FOXJ2: variants seen among roughly 807,000 people sequenced by gnomAD.
FOXJ2 encodes the protein forkhead box J2.
A neutral mutation model predicts 68.4 loss-of-function variants in FOXJ2; 18 were observed. The observed-to-expected ratio is 0.26, with a 90% CI of 0.18 to 0.39. FOXJ2 has a LOEUF of 0.39. Among genes scored for constraint, FOXJ2 ranks in the 10% least tolerant of loss-of-function variants. The probability of loss-of-function intolerance (pLI) is 1.00; values close to 1 mark genes in which losing one functional copy is unlikely to be tolerated. For synonymous variants in FOXJ2, 274 were observed against 263.2 expected, an observed-to-expected ratio of 1.04 and a Z score of -0.40; for missense variants, 670 against 726.5, an observed-to-expected ratio of 0.92 and a Z score of 0.89.
intron 10 of FOXJ2, 36 bp downstream of exon 10, chr12:8,050,656 C>T: frequency 6.2e-7 from 1 of 1,610,162 alleles, no homozygotes; most frequent in South Asian, 1.1e-5. Flanking sequence ...AACCGTTGTA[C>T]TCTGATGAGT....
chr12:8,045,218 ATTTTTT>A (rs3074123), intron 6 of FOXJ2, among the ~76,000 whole-genome samples: 1 of 123,262 alleles, frequency 8.1e-6, no homozygotes, highest in Non-Finnish European at 1.6e-5. Context: ...TAATTTTTGT[ATTTTTT>A]TTTTTTTTTT....
Position 8,038,760 on chromosome 12 carries a change from G to A in FOXJ2, c.-14-1059G>A, listed in dbSNP as rs1463538608. ...CTGGCAAGAGTGCCCAGGCAGTGTGGGTGGCAGCAGGGCGTGCAAGCATCA... is the reference window on the plus strand; with the variant it reads ...CTGGCAAGAGTGCCCAGGCAGTGTGAGTGGCAGCAGGGCGTGCAAGCATCA... On this transcript the variant is annotated intron_variant, in intron 1 of 10. Coordinates refer to ENST00000162391, the MANE Select transcript of FOXJ2 (RefSeq NM_018416.3). This position sits in a 1 kb window ranked among gnomAD's most constrained non-coding sequence, Gnocchi z 5.3. 5.3e-5 allele frequency among the ~76,000 whole-genome samples: 8 copies of A among 152,224 alleles called. No individual in the cohort carries two copies. The highest frequency in any genetic ancestry group is 4.6e-4 in the Admixed American group (7 of 15,282).
intron 9 of FOXJ2, 92 bp downstream of exon 9, chr12:8,049,663 T>C: frequency 8.0e-7 from 1 of 1,250,728 alleles, no homozygotes; most frequent in Non-Finnish European, 1.1e-6. Flanking sequence ...GAAAGGATTT[T>C]ATGGGGCAGT....
chr12:8,044,841 A>G lies in FOXJ2; in HGVS notation c.700A>G (p.Asn234Asp), dbSNP rs1392050741. 2 of 1,613,966 alleles carry G rather than the reference A, an allele frequency of 1.2e-6. No individual in the cohort carries two copies. Among genetic ancestry groups the G allele is most frequent in the South Asian group, 2.2e-5 (2 of 91,072 alleles). ...TGCTGAGGGTCCCCCTCCCCTCTAT[A>G]ACACCAACCATGACTTTAAATTCTC... Reference protein sequence around the residue: ...ESAEGPPPLYNTNHDFKFSYS... With the variant: ...ESAEGPPPLYDTNHDFKFSYS... Residue 234 changes from asparagine (N) to aspartate (D), a missense_variant, in exon 6 of 11, where the codon AAC becomes GAC. This residue lies in a region of FOXJ2 where 555 missense variants were observed against 562.2 expected (regional missense o/e 0.99). Coordinates refer to ENST00000162391, the MANE Select transcript of FOXJ2 (RefSeq NM_018416.3).
chr12:8,045,062 G>A, intron 6 of FOXJ2, 104 bp downstream of exon 6: 1 of 1,195,236 alleles, frequency 8.4e-7, no homozygotes, highest in Non-Finnish European at 1.2e-6. Flanking sequence ...TATTTTTTGT[G>A]AGACAGGGTC....
Position 8,048,234 on chromosome 12 carries a change from ACCACCT to A in FOXJ2, c.1175_1180del (p.Pro392_Pro393del). 6.2e-7 allele frequency: 1 copy of A among 1,603,074 alleles called. No individual in the cohort carries two copies. On this transcript the variant is annotated inframe_deletion, in exon 7 of 11. Coordinates refer to ENST00000162391, the MANE Select transcript of FOXJ2 (RefSeq NM_018416.3). ...CCCACTCCCACCCTGCCCAGCAGCC[ACCACCT>A]CCACAGCCACAGGCACAAGGCCAGG... is the stretch of plus-strand genomic sequence containing the variant.
intron 10 of FOXJ2, among the ~76,000 whole-genome samples, chr12:8,051,286 T>C (rs1395310703): frequency 1.3e-5 from 2 of 151,774 alleles, no homozygotes; most frequent in East Asian, 2.0e-4. Context: ...CACACCACCA[T>C]GCCTGGCTAA....
intron 8 of FOXJ2, 38 bp from the exon 9 acceptor site, chr12:8,049,324 C>A: frequency 1.3e-6 from 2 of 1,562,164 alleles, no homozygotes; most frequent in South Asian, 1.2e-5. Flanking sequence ...GGCTTCCTAC[C>A]TCTGCAAGGT....
intron 2 of FOXJ2, among the ~76,000 whole-genome samples, chr12:8,041,424 T>G (rs1280770167): frequency 1.3e-5 from 2 of 151,626 alleles, no homozygotes; most frequent in African/African-American, 4.8e-5. Flanking sequence ...GGGCTGGTCT[T>G]GAACTCCTGA....
intron 6 of FOXJ2, among the ~76,000 whole-genome samples, chr12:8,047,648 T>A (rs939890620): frequency 6.6e-6 from 1 of 152,104 alleles, no homozygotes; most frequent in African/African-American, 2.4e-5. Flanking sequence ...CACACTGACC[T>A]TTTTAGTAAG....
chr12:8,049,290 T>G, intron 8 of FOXJ2, 72 bp from the exon 9 acceptor site: 1 of 1,223,090 alleles, frequency 8.2e-7, no homozygotes, highest in Admixed American at 2.0e-5. Flanking sequence ...TTTGGAACAG[T>G]GAGATAGGGC....
intron 1 of FOXJ2, among the ~76,000 whole-genome samples, chr12:8,037,412 CAG>C (rs1210840461): frequency 1.3e-5 from 2 of 152,140 alleles, no homozygotes; most frequent in African/African-American, 4.8e-5. Context: ...AATTTAACCT[CAG>C]TGTCCTAACC....
At position 8,035,557 on chromosome 12, in the gene FOXJ2, G is replaced by T. The variant is rs1229769041; in HGVS notation, c.-15+1724G>T. On this transcript the variant is annotated intron_variant, in intron 1 of 10. Transcript: ENST00000162391. This position sits in a 1 kb window ranked among gnomAD's most constrained non-coding sequence, Gnocchi z 4.0. ...ACCTTTTACAAAAGAGGCCTCGCTG[G>T]TTAACAGCAGCCTGTTTCTTATAAA... 1.3e-5 allele frequency among the ~76,000 whole-genome samples: 2 copies of T among 152,200 alleles called. No homozygotes were observed. The highest frequency in any genetic ancestry group is 4.8e-5 in the African/African-American group (2 of 41,436).
At position 8,040,443 on chromosome 12, in the gene FOXJ2, A is replaced by G. The variant is rs949585131; in HGVS notation, c.333+278A>G. Reference sequence around the variant, plus strand: ...TCTTATCTTCTTTTTTTTTTTTGAGACAGAGTCTCGTACTGTCGCCTGGGC... The same window carrying G: ...TCTTATCTTCTTTTTTTTTTTTGAGGCAGAGTCTCGTACTGTCGCCTGGGC... On this transcript the variant is annotated intron_variant, in intron 2 of 10. Transcript: ENST00000162391. This position sits in a 1 kb window ranked among gnomAD's most constrained non-coding sequence, Gnocchi z 4.0. Among the ~76,000 whole-genome samples the G allele has an allele frequency of 1.5e-4, 22 of 150,384 alleles. 1 individual carries two copies. Among genetic ancestry groups the G allele is most frequent in the Middle Eastern group, 3.4e-3 (1 of 292 alleles).
chr12:8,046,903 A>C (rs923430759), intron 6 of FOXJ2, among the ~76,000 whole-genome samples: 2 of 152,194 alleles, frequency 1.3e-5, no homozygotes, highest in Non-Finnish European at 2.9e-5. Flanking sequence ...TTGCTCAAAA[A>C]ATGAATCCGA....
Position 8,038,453 on chromosome 12 carries a change from A to G in FOXJ2, c.-14-1366A>G, listed in dbSNP as rs1446203370. Among the ~76,000 whole-genome samples the G allele has an allele frequency of 6.6e-6, 1 of 152,130 alleles. No homozygotes were observed. Among genetic ancestry groups the G allele is most frequent in the African/African-American group, 2.4e-5 (1 of 41,392 alleles). ...TGGATTTAGAGATCACTTACATCAT[A>G]CGTTTCTGTTCAGGATTCTGAACTT... is the stretch of plus-strand genomic sequence containing the variant. On this transcript the variant is annotated intron_variant, in intron 1 of 10. Transcript: ENST00000162391. The surrounding 1 kb of genome is among the most constrained non-coding windows in gnomAD (Gnocchi z 5.3).
chr12:8,048,305 G>A lies in FOXJ2; in HGVS notation c.1225+16G>A, dbSNP rs757803570. The stretch of plus-strand genomic sequence containing the variant: ...ACTGGCTTTGGTGAGTAAGGAGGGT[G>A]CACAGTGATCTAGAGGAGGGTGGGG... On this transcript the variant is annotated intron_variant, in intron 7 of 10. Transcript: ENST00000162391. 12 of 1,538,726 alleles carry A rather than the reference G, an allele frequency of 7.8e-6. No individual in the cohort carries two copies. The South Asian group carries it at 1.3e-4, about 16-fold the overall frequency.
At chr12:8,050,249 T>C in intron 9 of FOXJ2, 1 of 1,040,762 alleles carries the variant, frequency 9.6e-7, no homozygotes, top group Admixed American at 4.6e-5. Context: ...GTGTTGGGAT[T>C]ACAGGCATGA....
At chr12:8,034,284 C>T (rs772631806) in intron 1 of FOXJ2, among the ~76,000 whole-genome samples, 4 of 152,106 alleles carry the variant, frequency 2.6e-5, no homozygotes, top group African/African-American at 4.8e-5. Flanking sequence ...CAGGGCATGC[C>T]GAGGTCAGCT....
Sources: allele counts gnomAD v4.1 joint callset (sites outside exome capture counted in the v4.1 genomes callset), GRCh38; gene constraint gnomAD v4.1.1; regional missense constraint gnomAD v4.1.1; non-coding constraint Gnocchi (gnomAD v3.1); transcripts MANE v1.5; gene names NCBI Gene and HGNC (gene_info 2026-07-23, HGNC 2026-07-21).